Variants in DCLK2 observed in about 807,000 individuals in gnomAD.
DCLK2 encodes the protein serine/threonine-protein kinase DCLK2.
Under a neutral mutation model 78.4 loss-of-function variants are expected in DCLK2, and 31 were observed. That is an observed-to-expected ratio of 0.40 (90% CI 0.30 to 0.53). The LOEUF (loss-of-function observed/expected upper bound fraction) is 0.53, where lower values mean the gene tolerates loss of function less well. Among genes scored for constraint, DCLK2 ranks in the 20% least tolerant of loss-of-function variants. The pLI, the probability that DCLK2 is intolerant of heterozygous loss-of-function variation, is 0.61. For missense variants in DCLK2, 872 were observed against 973.7 expected (o/e 0.90, Z 1.39); for synonymous variants, 407 against 374.9 (o/e 1.09, Z -0.99).
At chr4:150,223,072 T>C (rs1741321036) in intron 7 of DCLK2, among the ~76,000 whole-genome samples, 1 of 152,206 alleles carries the variant, frequency 6.6e-6, no homozygotes, top group Non-Finnish European at 1.5e-5. Flanking sequence ...TTTTCTGTTT[T>C]GTTACATCTC....
chr4:150,115,881 G>A (rs962692473), intron 2 of DCLK2, among the ~76,000 whole-genome samples: 4 of 152,310 alleles, frequency 2.6e-5, no homozygotes, highest in African/African-American at 9.6e-5. Context: ...AAAGCAGGTG[G>A]GTAAATGTAA....
intron 2 of DCLK2, among the ~76,000 whole-genome samples, chr4:150,114,546 T>G (rs1731933962): frequency 6.6e-6 from 1 of 152,236 alleles, no homozygotes; most frequent in African/African-American, 2.4e-5. Flanking sequence ...GTGTTGACCC[T>G]TTGTTTCAAG....
intron 1 of DCLK2, among the ~76,000 whole-genome samples, chr4:150,090,463 A>G (rs10027651): frequency 0.04 from 6,141 of 152,114 alleles, 427 homozygotes; most frequent in African/African-American, 0.14. Flanking sequence ...CACAATGAAA[A>G]TTCCCATAGT....
intron 14 of DCLK2, among the ~76,000 whole-genome samples, chr4:150,249,046 C>T (rs1012325102): frequency 6.6e-6 from 1 of 152,224 alleles, no homozygotes; most frequent in African/African-American, 2.4e-5. Flanking sequence ...ACCTCCAATG[C>T]CCCACCCACC....
chr4:150,165,784 T>C (rs1024837336), intron 2 of DCLK2, among the ~76,000 whole-genome samples: 1 of 152,240 alleles, frequency 6.6e-6, no homozygotes, highest in Admixed American at 6.5e-5. Flanking sequence ...AGTTCATGTG[T>C]TGGAAACTTA....
intron 8 of DCLK2, 52 bp from the exon 9 acceptor site, chr4:150,232,285 A>T: frequency 6.3e-7 from 1 of 1,590,606 alleles, no homozygotes; most frequent in South Asian, 1.2e-5. Flanking sequence ...GGCCTTCGAG[A>T]GCAGAGGGTT....
intron 10 of DCLK2, among the ~76,000 whole-genome samples, chr4:150,234,461 G>A (rs1305018405): frequency 6.6e-6 from 1 of 152,224 alleles, no homozygotes; most frequent in African/African-American, 2.4e-5. Flanking sequence ...CACTCAGCTA[G>A]CAGCTGGTGC....
chr4:150,225,445 C>T (rs1177042730), intron 8 of DCLK2, among the ~76,000 whole-genome samples: 1 of 152,198 alleles, frequency 6.6e-6, no homozygotes, highest in East Asian at 1.9e-4. Context: ...TATTCCGTTG[C>T]AGCAATGACA....
At chr4:150,153,271 G>C (rs1397765530) in intron 2 of DCLK2, among the ~76,000 whole-genome samples, 1 of 152,122 alleles carries the variant, frequency 6.6e-6, no homozygotes, top group African/African-American at 2.4e-5. Flanking sequence ...AGATTGTGAG[G>C]GGCCTTCCAT....
At chr4:150,245,500 T>G (rs1743236748) in intron 12 of DCLK2, among the ~76,000 whole-genome samples, 1 of 152,230 alleles carries the variant, frequency 6.6e-6, no homozygotes, top group Non-Finnish European at 1.5e-5. Context: ...GTATATCTCC[T>G]AATGCTATCC....
chr4:150,116,080 C>T (rs1244449862), intron 2 of DCLK2, among the ~76,000 whole-genome samples: 1 of 152,182 alleles, frequency 6.6e-6, no homozygotes, highest in Non-Finnish European at 1.5e-5. Flanking sequence ...CAGACAGGCA[C>T]CTCTTTTCAT....
chr4:150,090,382 G>A (rs1205501247), intron 1 of DCLK2, among the ~76,000 whole-genome samples: 1 of 152,166 alleles, frequency 6.6e-6, no homozygotes, highest in East Asian at 1.9e-4. Context: ...CTCCACTCCA[G>A]CCTGGGCAAC....
intron 2 of DCLK2, among the ~76,000 whole-genome samples, chr4:150,135,611 G>A (rs1488028307): frequency 3.3e-5 from 5 of 152,144 alleles, no homozygotes; most frequent in Admixed American, 6.5e-5. Context: ...TGTAAAAGGG[G>A]CACCTAACCC....
At chr4:150,203,674 G>T in intron 4 of DCLK2, 121 bp from the exon 5 acceptor site, 17 of 533,846 alleles carry the variant, frequency 3.2e-5, no homozygotes, top group South Asian at 8.6e-5. Context: ...CGTCTGCTTT[G>T]AGCTGAAAAC....
chr4:150,215,044 G>A (rs1008700833), intron 5 of DCLK2, among the ~76,000 whole-genome samples: 1 of 151,598 alleles, frequency 6.6e-6, no homozygotes, highest in Non-Finnish European at 1.5e-5. Flanking sequence ...TTTCCAAAAT[G>A]CATTCAAGAA....
intron 2 of DCLK2, among the ~76,000 whole-genome samples, chr4:150,126,053 A>G (rs1311319223): frequency 6.6e-6 from 1 of 152,228 alleles, no homozygotes; most frequent in Non-Finnish European, 1.5e-5. Flanking sequence ...AATTAAAGTC[A>G]GTATTTTAGG....
chr4:150,110,301 T>C (rs938077118), intron 2 of DCLK2, among the ~76,000 whole-genome samples: 18 of 152,218 alleles, frequency 1.2e-4, no homozygotes, highest in Admixed American at 1.2e-3. Context: ...TTTTACGCAC[T>C]ACCAAATTTT....
chr4:150,237,351 CA>C (rs900298262), intron 10 of DCLK2, among the ~76,000 whole-genome samples: 2 of 152,160 alleles, frequency 1.3e-5, no homozygotes, highest in African/African-American at 4.8e-5. Context: ...CTGAATCATT[CA>C]TATCTTTGAA....
intron 2 of DCLK2, among the ~76,000 whole-genome samples, chr4:150,110,595 ATT>A (rs1731610458): frequency 6.6e-6 from 1 of 152,088 alleles, no homozygotes. Context: ...AGTAGTGTAC[ATT>A]GTACCCAATA....
Sources: allele counts gnomAD v4.1 joint callset (sites outside exome capture counted in the v4.1 genomes callset), GRCh38; gene constraint gnomAD v4.1.1; transcripts MANE v1.5; gene names NCBI Gene and HGNC (gene_info 2026-07-23, HGNC 2026-07-21).